The following RAB27B variants were observed in gnomAD, a reference collection of about 807,000 sequenced individuals.
The protein encoded by RAB27B is RAB27B, member RAS oncogene family, also known as ras-related protein Rab-27B.
RAB27B carries 15 observed loss-of-function variants against 24.6 expected under a neutral mutation model. The ratio of observed to expected loss-of-function variants is 0.61; its 90% CI spans 0.41 to 0.94. RAB27B has a LOEUF of 0.94. Ranked by LOEUF, RAB27B falls within the 40% of genes least tolerant of loss-of-function variation. The pLI is 0.00. For synonymous variants in RAB27B, 105 were observed against 92.5 expected, an observed-to-expected ratio of 1.14 and a Z score of -0.78; for missense variants, 261 against 266.8, an observed-to-expected ratio of 0.98 and a Z score of 0.15.
At chr18:54,815,481 A>G (rs1322566682) in intron 2 of RAB27B, among the ~76,000 whole-genome samples, 1 of 152,160 alleles carries the variant, frequency 6.6e-6, no homozygotes, top group Non-Finnish European at 1.5e-5. Flanking sequence ...CTCCTGGGAG[A>G]TACAGTCTCA....
intron 2 of RAB27B, among the ~76,000 whole-genome samples, chr18:54,775,799 A>G (rs1459350533): frequency 6.6e-6 from 1 of 152,128 alleles, no homozygotes; most frequent in Non-Finnish European, 1.5e-5. Flanking sequence ...AATTTCTAAT[A>G]TTCCCCAATC....
intron 2 of RAB27B, among the ~76,000 whole-genome samples, chr18:54,743,822 G>A (rs1185512008): frequency 6.6e-6 from 1 of 152,158 alleles, no homozygotes; most frequent in Non-Finnish European, 1.5e-5. Context: ...TTGAAGAGGT[G>A]GGAAAAATAA....
chr18:54,796,413 A>C (rs1270888128), intron 2 of RAB27B, among the ~76,000 whole-genome samples: 3 of 152,176 alleles, frequency 2.0e-5, no homozygotes, highest in African/African-American at 7.2e-5. Context: ...TGCCCAGTGT[A>C]CCAGAAAAAT....
chr18:54,842,974 T>A (rs66823280), intron 1 of RAB27B, among the ~76,000 whole-genome samples: 99,550 of 151,884 alleles, frequency 0.66, 35,227 homozygotes, highest in East Asian at 0.92. Flanking sequence ...TTTTTGTATT[T>A]TTTAGTAGAG....
At chr18:54,764,112 C>T (rs1908283435) in intron 2 of RAB27B, among the ~76,000 whole-genome samples, 1 of 152,100 alleles carries the variant, frequency 6.6e-6, no homozygotes, top group Non-Finnish European at 1.5e-5. Context: ...TTTACTGCAG[C>T]TTGTTTATGG....
intron 1 of RAB27B, among the ~76,000 whole-genome samples, chr18:54,876,030 T>A (rs141050778): frequency 6.6e-6 from 1 of 152,170 alleles, no homozygotes; most frequent in South Asian, 2.1e-4. Flanking sequence ...GAAAGAGGTT[T>A]AATTGACTCA....
intron 2 of RAB27B, among the ~76,000 whole-genome samples, chr18:54,808,304 G>A (rs1430291320): frequency 1.3e-5 from 2 of 152,126 alleles, no homozygotes; most frequent in Admixed American, 6.6e-5. Flanking sequence ...GGCTGCTGTG[G>A]TCTCATGGCA....
At chr18:54,799,699 G>A (rs1368770345) in intron 2 of RAB27B, among the ~76,000 whole-genome samples, 1 of 134,418 alleles carries the variant, frequency 7.4e-6, no homozygotes, top group Non-Finnish European at 1.5e-5. Flanking sequence ...GCGTGATCTC[G>A]GCTCACTGCA....
intron 2 of RAB27B, among the ~76,000 whole-genome samples, chr18:54,749,829 TG>T (rs1353137413): frequency 6.6e-6 from 1 of 152,158 alleles, no homozygotes; most frequent in Non-Finnish European, 1.5e-5. Context: ...GGGGGTTGGT[TG>T]TTTTTTTGTT....
rs1390201683 is a variant in RAB27B, at chr18:54,843,461, G to T, written c.-20+14761G>T. ...CACTTGAAGAGTCATTTTTAAGAGT[G>T]TCAGGAATATATCTGCACTCATCTC... On this transcript the variant is annotated intron_variant, in intron 1 of 5. Transcript: ENST00000262094. Among the ~76,000 whole-genome samples the T allele has an allele frequency of 1.3e-5, 2 of 152,212 alleles. 1 individual carries two copies. The highest frequency in any genetic ancestry group is 3.9e-4 in the East Asian group (2 of 5,170).
intron 2 of RAB27B, among the ~76,000 whole-genome samples, chr18:54,737,273 T>TTATTGAC (rs1909925829): frequency 6.6e-6 from 1 of 152,188 alleles, no homozygotes; most frequent in Admixed American, 6.6e-5. Context: ...TTGGATGGGC[T>TTATTGAC]TATTGACTTT....
intron 2 of RAB27B, among the ~76,000 whole-genome samples, chr18:54,801,790 TG>T (rs1442026193): frequency 6.6e-6 from 1 of 152,230 alleles, no homozygotes; most frequent in African/African-American, 2.4e-5. Context: ...CCTTAAGATT[TG>T]GGACCTTTGA....
chr18:54,827,005 G>A (rs1173422810), upstream of RAB27B, among the ~76,000 whole-genome samples: 1 of 152,202 alleles, frequency 6.6e-6, no homozygotes. Flanking sequence ...TTAAGTCAAT[G>A]TGTTAACAGT....
At chr18:54,818,919 A>T (rs1367631146) in intron 2 of RAB27B, among the ~76,000 whole-genome samples, 1 of 152,006 alleles carries the variant, frequency 6.6e-6, no homozygotes, top group Non-Finnish European at 1.5e-5. Flanking sequence ...TTTATAATTG[A>T]TTTAAAATAA....
intron 2 of RAB27B, among the ~76,000 whole-genome samples, chr18:54,749,683 T>A (rs965850676): frequency 6.6e-6 from 1 of 152,128 alleles, no homozygotes; most frequent in East Asian, 1.9e-4. Flanking sequence ...AGCTACTGAG[T>A]GGGATAAAAG....
intron 2 of RAB27B, among the ~76,000 whole-genome samples, chr18:54,806,984 G>C (rs1466876438): frequency 6.6e-6 from 1 of 152,072 alleles, no homozygotes; most frequent in Non-Finnish European, 1.5e-5. Context: ...TTGGCTCACT[G>C]CAACCAGGAG....
intron 1 of RAB27B, among the ~76,000 whole-genome samples, chr18:54,862,651 A>G (rs140886720): frequency 1.3e-3 from 194 of 152,282 alleles, no homozygotes; most frequent in African/African-American, 4.5e-3. Context: ...GTTTCAGCTT[A>G]TCCAGAGAGT....
intron 1 of RAB27B, among the ~76,000 whole-genome samples, chr18:54,870,491 T>A (rs1333761738): frequency 6.6e-6 from 1 of 152,144 alleles, no homozygotes; most frequent in Admixed American, 6.5e-5. Context: ...TTTAATTTTA[T>A]AATAGAGGTA....
intron 2 of RAB27B, among the ~76,000 whole-genome samples, chr18:54,732,424 T>C (rs1446403594): frequency 2.2e-4 from 33 of 152,198 alleles, no homozygotes; most frequent in Admixed American, 2.1e-3. Context: ...ACATCCCCAG[T>C]TTAGAAATAA....
Sources: allele counts gnomAD v4.1 joint callset (sites outside exome capture counted in the v4.1 genomes callset), GRCh38; gene constraint gnomAD v4.1.1; transcripts MANE v1.5; gene names NCBI Gene and HGNC (gene_info 2026-07-23, HGNC 2026-07-21).